ZC2HC1B: variants seen among roughly 807,000 people sequenced by gnomAD.
The protein encoded by ZC2HC1B is zinc finger C2HC domain-containing protein 1B.
Under a neutral mutation model 31.0 loss-of-function variants are expected in ZC2HC1B, and 36 were observed. The ratio of observed to expected loss-of-function variants is 1.16; its 90% CI spans 0.89 to 1.54. The LOEUF is 1.54. ZC2HC1B is among the 40% of genes most tolerant of loss of function. The pLI is 0.00. For missense variants in ZC2HC1B, 260 were observed against 268.6 expected (o/e 0.97, Z 0.22); for synonymous variants, 73 against 88.0 (o/e 0.83, Z 0.95).
chr6:143,884,027 A>G lies in ZC2HC1B; in HGVS notation c.29-277A>G, dbSNP rs1490432777. 6.6e-6 allele frequency among the ~76,000 whole-genome samples: 1 copy of G among 152,200 alleles called. No homozygotes were observed. Among genetic ancestry groups the G allele is most frequent in the Non-Finnish European group, 1.5e-5 (1 of 68,038 alleles). On this transcript the variant is annotated intron_variant, in intron 1 of 7. Transcript: ENST00000237275. This position sits in a 1 kb window ranked among gnomAD's most constrained non-coding sequence, Gnocchi z 5.1. ...CTCAAGCAAAGTTATCAGGCACTTC[A>G]TGTAAGAATATATTAAATATTAAAT...
At position 143,921,746 on chromosome 6, in the gene ZC2HC1B, A is replaced by G. The variant is rs1022544341; in HGVS notation, c.599-15903A>G. 2.6e-5 allele frequency among the ~76,000 whole-genome samples: 4 copies of G among 152,192 alleles called. No individual in the cohort carries two copies. The highest frequency in any genetic ancestry group is 4.4e-5 in the Non-Finnish European group (3 of 68,032). ...GAAGTTCAAGACCAGCCTGGGCAAC[A>G]TAGCAAGACCCTGTCTCTACAAGAA... On this transcript the variant is annotated intron_variant, in intron 6 of 7. Coordinates refer to ENST00000237275, the MANE Select transcript of ZC2HC1B (RefSeq NM_001013623.3). This position sits in a 1 kb window ranked among gnomAD's most constrained non-coding sequence, Gnocchi z 6.1.
In ZC2HC1B at chr6:143,915,453, G is replaced by A. The variant is rs545507811; in HGVS notation, c.598+12301G>A. On this transcript the variant is annotated intron_variant, in intron 6 of 7. Coordinates refer to ENST00000237275, the MANE Select transcript of ZC2HC1B (RefSeq NM_001013623.3). The surrounding 1 kb of genome is among the most constrained non-coding windows in gnomAD (Gnocchi z 5.2). ...TAAATTGGTACCAGTAGAGTGGGGC[G>A]CTGCTGAAAAGATATCTGAAAATGT... Among the ~76,000 whole-genome samples, 9 of 152,278 alleles carry A rather than the reference G, an allele frequency of 5.9e-5. No homozygotes were observed. Among genetic ancestry groups the A allele is most frequent in the East Asian group, 3.9e-4 (2 of 5,178 alleles).
chr6:143,876,890 C>T (rs1490713300), intron 1 of ZC2HC1B, among the ~76,000 whole-genome samples: 1 of 150,226 alleles, frequency 6.7e-6, no homozygotes, highest in African/African-American at 2.5e-5. Flanking sequence ...TAGATGGTGC[C>T]CACTGAGATT....
At position 143,883,706 on chromosome 6, in the gene ZC2HC1B, C is replaced by A. The variant is rs1242161557; in HGVS notation, c.29-598C>A. ...TTTTCCAATGTCATTAATTTATCTGCATACTTTTTTTCTGTGCTGGTCCCA... is the reference window on the plus strand; with the variant it reads ...TTTTCCAATGTCATTAATTTATCTGAATACTTTTTTTCTGTGCTGGTCCCA... On this transcript the variant is annotated intron_variant, in intron 1 of 7. Transcript: ENST00000237275. The surrounding 1 kb of genome is among the most constrained non-coding windows in gnomAD (Gnocchi z 4.1). 6.6e-6 allele frequency among the ~76,000 whole-genome samples: 1 copy of A among 152,212 alleles called. No homozygotes were observed. The highest frequency in any genetic ancestry group is 1.5e-5 in the Non-Finnish European group (1 of 68,028).
At chr6:143,900,401 AAAAAG>A (rs1027112293) in intron 5 of ZC2HC1B, among the ~76,000 whole-genome samples, 3 of 151,824 alleles carry the variant, frequency 2.0e-5, no homozygotes, top group African/African-American at 4.8e-5. Flanking sequence ...AAAAAAAAAA[AAAAAG>A]AAAAAGAAAA....
intron 4 of ZC2HC1B, 115 bp from the exon 5 acceptor site, chr6:143,898,437 T>C (rs1777694704): frequency 1.5e-6 from 2 of 1,304,854 alleles, no homozygotes; most frequent in Admixed American, 2.3e-5. Context: ...CTGGGATTAC[T>C]GGCATGAGCC....
At chr6:143,912,665 A>C (rs1008989352) in intron 6 of ZC2HC1B, among the ~76,000 whole-genome samples, 6 of 152,326 alleles carry the variant, frequency 3.9e-5, no homozygotes, top group Admixed American at 3.3e-4. Context: ...TTGCTGGCCC[A>C]AATTTGCCTG....
chr6:143,883,887 A>G lies in ZC2HC1B; in HGVS notation c.29-417A>G, dbSNP rs1020456095. 5.9e-5 allele frequency among the ~76,000 whole-genome samples: 9 copies of G among 152,242 alleles called. No individual in the cohort carries two copies. The highest frequency in any genetic ancestry group is 1.4e-4 in the African/African-American group (6 of 41,462). On this transcript the variant is annotated intron_variant, in intron 1 of 7. Coordinates refer to ENST00000237275, the MANE Select transcript of ZC2HC1B (RefSeq NM_001013623.3). The surrounding 1 kb of genome is among the most constrained non-coding windows in gnomAD (Gnocchi z 4.1). ...TATGGGTCAAGTACTTGCATTGGGCATAAAATAGGCACAGTCTCAGCTTTC... is the reference window on the plus strand; with the variant it reads ...TATGGGTCAAGTACTTGCATTGGGCGTAAAATAGGCACAGTCTCAGCTTTC...
chr6:143,869,465 T>G lies in ZC2HC1B; in HGVS notation c.28+4898T>G, dbSNP rs752504963. Among the ~76,000 whole-genome samples, 1 of 152,218 alleles carries G rather than the reference T, an allele frequency of 6.6e-6. No individual in the cohort carries two copies. Among genetic ancestry groups the G allele is most frequent in the Non-Finnish European group, 1.5e-5 (1 of 68,038 alleles). On this transcript the variant is annotated intron_variant, in intron 1 of 7. Coordinates refer to ENST00000237275, the MANE Select transcript of ZC2HC1B (RefSeq NM_001013623.3). The surrounding 1 kb of genome is among the most constrained non-coding windows in gnomAD (Gnocchi z 5.2). ...GAGCATGCGCCCACTGCTGCACTTCTTTATCTGTAAAGTGAGTGCCTCTCT... is the reference window on the plus strand; with the variant it reads ...GAGCATGCGCCCACTGCTGCACTTCGTTATCTGTAAAGTGAGTGCCTCTCT...
In ZC2HC1B at chr6:143,937,730, C is replaced by G. The variant is rs558835174; in HGVS notation, c.*11C>G. 1 of 1,541,106 alleles carries G rather than the reference C, an allele frequency of 6.5e-7. No homozygotes were observed. The highest frequency in any genetic ancestry group is 1.2e-5 in the South Asian group (1 of 81,664). On this transcript the variant is annotated 3_prime_UTR_variant, in exon 7 of 8. Transcript: ENST00000237275. ...TCTAAAAAAGATTAACTCCTAGAAG[C>G]CAGGTAAGAAAAAAAAATCACCGCT...
intron 1 of ZC2HC1B, among the ~76,000 whole-genome samples, chr6:143,876,328 A>C (rs1490551541): frequency 6.6e-6 from 1 of 150,620 alleles, no homozygotes; most frequent in Non-Finnish European, 1.5e-5. Flanking sequence ...CAAAGGTATT[A>C]TGTATAGAGT....
At chr6:143,897,660 T>G (rs1434324036) in intron 4 of ZC2HC1B, among the ~76,000 whole-genome samples, 1 of 151,724 alleles carries the variant, frequency 6.6e-6, no homozygotes, top group East Asian at 1.9e-4. Context: ...TATTACTATC[T>G]CCTTCCTGAA....
In ZC2HC1B at chr6:143,887,217, C is replaced by A. The variant is rs1397630593; in HGVS notation, c.349+396C>A. Among the ~76,000 whole-genome samples, 2 of 152,104 alleles carry A rather than the reference C, an allele frequency of 1.3e-5. No homozygotes were observed. Among genetic ancestry groups the A allele is most frequent in the Non-Finnish European group, 2.9e-5 (2 of 67,998 alleles). On this transcript the variant is annotated intron_variant, in intron 4 of 7. Transcript: ENST00000237275. The surrounding 1 kb of genome is among the most constrained non-coding windows in gnomAD (Gnocchi z 5.1). ...AGCATTTTAACCATTTGAAGCTGTA[C>A]AATTTAGTACCCACAGCTTTTTTTA...
Position 143,922,640 on chromosome 6 carries a change from G to T in ZC2HC1B, c.599-15009G>T, listed in dbSNP as rs1777995652. On this transcript the variant is annotated intron_variant, in intron 6 of 7. Coordinates refer to ENST00000237275, the MANE Select transcript of ZC2HC1B (RefSeq NM_001013623.3). The surrounding 1 kb of genome is among the most constrained non-coding windows in gnomAD (Gnocchi z 5.0). ...AATGACCTCTAGTTCCATACACATT[G>T]CTGCAAATGACAGGATATCATTCTT... Among the ~76,000 whole-genome samples the T allele has an allele frequency of 6.6e-6, 1 of 152,138 alleles. No individual in the cohort carries two copies. Among genetic ancestry groups the T allele is most frequent in the African/African-American group, 2.4e-5 (1 of 41,440 alleles).
chr6:143,865,193 A>C lies in ZC2HC1B; in HGVS notation c.28+626A>C, dbSNP rs1328579035. On this transcript the variant is annotated intron_variant, in intron 1 of 7. Coordinates refer to ENST00000237275, the MANE Select transcript of ZC2HC1B (RefSeq NM_001013623.3). The surrounding 1 kb of genome is among the most constrained non-coding windows in gnomAD (Gnocchi z 4.4). ...TTTCTGATATCTTGGTTCTCTAAAA[A>C]TCTATAAATGATGATTGGGAACTGA... 1.3e-5 allele frequency among the ~76,000 whole-genome samples: 2 copies of C among 152,208 alleles called. No individual in the cohort carries two copies. Among genetic ancestry groups the C allele is most frequent in the African/African-American group, 4.8e-5 (2 of 41,442 alleles).
intron 1 of ZC2HC1B, among the ~76,000 whole-genome samples, chr6:143,873,989 A>G (rs6903493): frequency 3.5e-4 from 53 of 152,318 alleles, no homozygotes; most frequent in African/African-American, 1.1e-3. Context: ...CTACTGCATC[A>G]TCAAGTTGCA....
Position 143,903,028 on chromosome 6 carries a change from CTT to C in ZC2HC1B, c.490-14_490-13del. ...CAGAAGGTGTTCTCTTTGTCTCTTT[CTT>C]TCTCTCTCTGTAGGGTAGGGCTCAG... On this transcript the variant is annotated splice_polypyrimidine_tract_variant and intron_variant, in intron 5 of 7. Coordinates refer to ENST00000237275, the MANE Select transcript of ZC2HC1B (RefSeq NM_001013623.3). The surrounding 1 kb of genome is among the most constrained non-coding windows in gnomAD (Gnocchi z 4.3). 6.4e-7 allele frequency: 1 copy of C among 1,551,136 alleles called. No individual in the cohort carries two copies.
In ZC2HC1B at chr6:143,911,423, A is replaced by T. The variant is rs1777854562; in HGVS notation, c.598+8271A>T. Among the ~76,000 whole-genome samples, 2 of 152,040 alleles carry T rather than the reference A, an allele frequency of 1.3e-5. No individual in the cohort carries two copies. Among genetic ancestry groups the T allele is most frequent in the African/African-American group, 4.8e-5 (2 of 41,406 alleles). On this transcript the variant is annotated intron_variant, in intron 6 of 7. Coordinates refer to ENST00000237275, the MANE Select transcript of ZC2HC1B (RefSeq NM_001013623.3). The surrounding 1 kb of genome is among the most constrained non-coding windows in gnomAD (Gnocchi z 4.5). ...TTTTGTAATGGCTTTTCCTTTCCAT[A>T]CTTAGTGCTTCCTTCAGGAGCTCTT... is the stretch of plus-strand genomic sequence containing the variant.
chr6:143,933,521 T>C lies in ZC2HC1B; in HGVS notation c.599-4128T>C. On this transcript the variant is annotated intron_variant, in intron 6 of 7. Transcript: ENST00000237275. This position sits in a 1 kb window ranked among gnomAD's most constrained non-coding sequence, Gnocchi z 6.4. ...CTTGGGTGGGGGTTGCTGTGGCCAC[T>C]GTGGGGAGATCAGGGGATGGTTCTT... Among the ~76,000 whole-genome samples the C allele has an allele frequency of 6.6e-6, 1 of 152,096 alleles. No homozygotes were observed. Among genetic ancestry groups the C allele is most frequent in the East Asian group, 1.9e-4 (1 of 5,184 alleles).
Sources: gnomAD v4.1 joint callset for allele counts (sites outside exome capture counted in the v4.1 genomes callset) on GRCh38, gnomAD v4.1.1 for gene constraint, Gnocchi (gnomAD v3.1) non-coding constraint, MANE v1.5 for transcripts, NCBI Gene and HGNC (gene_info 2026-07-23, HGNC 2026-07-21) for gene names.